NSMCE1: variants seen among roughly 807,000 people sequenced by gnomAD.
The protein encoded by NSMCE1 is NSE1 component of SMC5/6 complex, also known as non-structural maintenance of chromosomes element 1 homolog.
In NSMCE1, 18 loss-of-function variants were observed where a neutral mutation model predicts 29.6. The observed-to-expected ratio is 0.61, with a 90% CI of 0.42 to 0.90. NSMCE1 has a LOEUF of 0.90. Among genes scored for constraint, NSMCE1 ranks in the 40% least tolerant of loss-of-function variants. The pLI, the probability that NSMCE1 is intolerant of heterozygous loss-of-function variation, is 0.00. For synonymous variants in NSMCE1, 124 were observed against 133.4 expected (o/e 0.93, Z 0.49); for missense variants, 314 against 343.6 (o/e 0.91, Z 0.68).
chr16:27,245,765 G>A (rs1167567695), intron 2 of NSMCE1, among the ~76,000 whole-genome samples: 1 of 152,140 alleles, frequency 6.6e-6, no homozygotes, highest in Non-Finnish European at 1.5e-5. Flanking sequence ...TATGATCCCA[G>A]ACTTTATCTC....
chr16:27,229,494 A>C (rs2083740724), intron 5 of NSMCE1, among the ~76,000 whole-genome samples: 1 of 152,236 alleles, frequency 6.6e-6, no homozygotes. Flanking sequence ...CGGGAAGATG[A>C]AGTAGACCTT....
rs768915309 is a variant in NSMCE1, at chr16:27,234,264, A to G, written c.260T>C (p.Val87Ala). ...GGAAATTGAAGTTGTAGCAAGATTCACCTAAGAAATAAGTCAGCACGACAG... is the reference window on the plus strand; with the variant it reads ...GGAAATTGAAGTTGTAGCAAGATTCGCCTAAGAAATAAGTCAGCACGACAG... ...EDDGRPIYAL[V>A]NLATTSISKM... is the part of the protein sequence containing the mutation. Residue 87 changes from valine to alanine, a missense_variant and splice_region_variant, in exon 4 of 8, where the codon GTG (valine) becomes GCG (alanine). Coordinates refer to ENST00000361439, the MANE Select transcript of NSMCE1 (RefSeq NM_145080.4). 6.2e-7 allele frequency: 1 copy of G among 1,608,966 alleles called. No homozygotes were observed. Among genetic ancestry groups the G allele is most frequent in the East Asian group, 2.2e-5 (1 of 44,856 alleles).
chr16:27,253,332 C>T (rs1164602614), intron 2 of NSMCE1, among the ~76,000 whole-genome samples: 2 of 152,146 alleles, frequency 1.3e-5, no homozygotes, highest in African/African-American at 2.4e-5. Context: ...TAACTCCAGG[C>T]AGATAGTGTC....
At chr16:27,225,530 T>C (rs1331122723) in intron 7 of NSMCE1, among the ~76,000 whole-genome samples, 196 bp downstream of exon 7, 2 of 152,260 alleles carry the variant, frequency 1.3e-5, no homozygotes, top group African/African-American at 2.4e-5. Flanking sequence ...AGCTGGGTTC[T>C]AGAAAGTCCT....
intron 2 of NSMCE1, among the ~76,000 whole-genome samples, chr16:27,250,646 C>T (rs949917290): frequency 6.6e-6 from 1 of 151,006 alleles, no homozygotes; most frequent in East Asian, 2.0e-4. Flanking sequence ...AACAAAAATT[C>T]GTCGGGCGTG....
At chr16:27,258,440 A>G (rs1369251331) in intron 1 of NSMCE1, among the ~76,000 whole-genome samples, 1 of 152,224 alleles carries the variant, frequency 6.6e-6, no homozygotes, top group Admixed American at 6.5e-5. Flanking sequence ...CAGATTCCCA[A>G]ACCCTTTCCT....
chr16:27,248,936 CT>C (rs1456923725), intron 2 of NSMCE1, among the ~76,000 whole-genome samples: 2 of 152,148 alleles, frequency 1.3e-5, no homozygotes, highest in Non-Finnish European at 2.9e-5. Context: ...TCAAGCAACC[CT>C]CCCACATCAG....
At position 27,257,512 on chromosome 16, in the gene NSMCE1, T is replaced by G; in HGVS notation, c.59A>C (p.Gln20Pro). The change falls in exon 2 of 8, where the codon CAG becomes CCG. Residue 20 changes from glutamine (Q) to proline (P), a missense_variant. By Grantham distance (76) the Gln-to-Pro change is moderately conservative. Coordinates refer to ENST00000361439, the MANE Select transcript of NSMCE1 (RefSeq NM_145080.4). ...TAGCACGCCATGGGTCATCAGCAAC[T>G]GGAGGAAGCGCCGGTGGACATCAGT... ...VMTDVHRRFL[Q>P]LLMTHGVLEE... The G allele has an allele frequency of 6.2e-7, 1 of 1,614,012 alleles. No individual in the cohort carries two copies. Among genetic ancestry groups the G allele is most frequent in the Non-Finnish European group, 8.5e-7 (1 of 1,179,940 alleles).
intron 2 of NSMCE1, among the ~76,000 whole-genome samples, chr16:27,235,913 G>A (rs1169228961): frequency 6.6e-6 from 1 of 152,196 alleles, no homozygotes; most frequent in Admixed American, 6.5e-5. Context: ...CCCTGTCCTG[G>A]GCACCTTTTG....
At chr16:27,235,142 C>G (rs117219610) in intron 3 of NSMCE1, 36 bp downstream of exon 3, 1 of 1,603,126 alleles carries the variant, frequency 6.2e-7, no homozygotes, top group Non-Finnish European at 8.5e-7. Context: ...TCCAGCTCCT[C>G]AAAAATGCCA....
chr16:27,241,817 C>T, intron 2 of NSMCE1: 1 of 454,364 alleles, frequency 2.2e-6, no homozygotes, highest in Non-Finnish European at 4.4e-6. Flanking sequence ...AGACCCTCAG[C>T]AACCAATGCA....
chr16:27,245,320 A>G (rs1367946915), intron 2 of NSMCE1, among the ~76,000 whole-genome samples: 1 of 152,276 alleles, frequency 6.6e-6, no homozygotes, highest in Non-Finnish European at 1.5e-5. Context: ...TGTTCCAGCC[A>G]GCGGGGTCTG....
intron 1 of NSMCE1, chr16:27,268,436 CT>C (rs1179072927): frequency 1.3e-5 from 2 of 152,230 alleles, no homozygotes; most frequent in African/African-American, 4.8e-5. Flanking sequence ...ATATTTTTCA[CT>C]AAATAGTAAG....
At chr16:27,251,159 AAT>A (rs1166070119) in intron 2 of NSMCE1, among the ~76,000 whole-genome samples, 5,827 of 65,632 alleles carry the variant, frequency 0.089, 228 homozygotes, top group South Asian at 0.13. Flanking sequence ...AATTATTTAA[AAT>A]ATATATATAT....
intron 2 of NSMCE1, among the ~76,000 whole-genome samples, chr16:27,243,861 G>A (rs1379988440): frequency 6.6e-6 from 1 of 152,166 alleles, no homozygotes; most frequent in Non-Finnish European, 1.5e-5. Flanking sequence ...ATGTTGCCCA[G>A]GCTGGTCTCA....
rs1352983146 is a variant in NSMCE1, at chr16:27,232,037, G to A, written c.483+964C>T. Among the ~76,000 whole-genome samples the A allele has an allele frequency of 6.6e-6, 1 of 152,196 alleles. No individual in the cohort carries two copies. The highest frequency in any genetic ancestry group is 1.5e-5 in the Non-Finnish European group (1 of 68,034). The stretch of plus-strand genomic sequence containing the variant: ...ACCCCAGGAACTGAATTCGGGTCAG[G>A]TTCCTGGGACAGGCCCACCCTAAAT... On this transcript the variant is annotated intron_variant, in intron 5 of 7. Transcript: ENST00000361439. This position sits in a 1 kb window ranked among gnomAD's most constrained non-coding sequence, Gnocchi z 4.5.
At chr16:27,268,089 C>T (rs2084247566) in intron 1 of NSMCE1, 1 of 152,036 alleles carries the variant, frequency 6.6e-6, no homozygotes, top group Admixed American at 6.6e-5. Context: ...TGGAAAGGGT[C>T]GTGTATTTGA....
rs1596673202 is a variant in NSMCE1, at chr16:27,232,488, G to T, written c.483+513C>A. Among the ~76,000 whole-genome samples the T allele has an allele frequency of 6.6e-6, 1 of 152,126 alleles. No homozygotes were observed. The highest frequency in any genetic ancestry group is 2.4e-5 in the African/African-American group (1 of 41,442). ...CTCACTGCTGACAAAAACAACAGTG[G>T]TAATGTCACCAATTCCTCTGCCGCC... is the stretch of plus-strand genomic sequence containing the variant. On this transcript the variant is annotated intron_variant, in intron 5 of 7. Coordinates refer to ENST00000361439, the MANE Select transcript of NSMCE1 (RefSeq NM_145080.4). The surrounding 1 kb of genome is among the most constrained non-coding windows in gnomAD (Gnocchi z 4.5).
chr16:27,266,064 T>C (rs2084221195), intron 1 of NSMCE1, among the ~76,000 whole-genome samples: 1 of 152,174 alleles, frequency 6.6e-6, no homozygotes, highest in African/African-American at 2.4e-5. Flanking sequence ...TATAGGTATG[T>C]TACATACAAT....
Sources: allele counts gnomAD v4.1 joint callset (sites outside exome capture counted in the v4.1 genomes callset), GRCh38; gene constraint gnomAD v4.1.1; non-coding constraint Gnocchi (gnomAD v3.1); transcripts MANE v1.5; gene names NCBI Gene and HGNC (gene_info 2026-07-23, HGNC 2026-07-21).